Variants in CORIN observed in about 807,000 individuals in gnomAD.
CORIN encodes the protein atrial natriuretic peptide-converting enzyme.
CORIN carries 117 observed loss-of-function variants against 125.3 expected under a neutral mutation model. The observed-to-expected ratio is 0.93, with a 90% CI of 0.80 to 1.09. The LOEUF (loss-of-function observed/expected upper bound fraction) is 1.09. Ranked by LOEUF, CORIN falls within the 50% of genes least tolerant of loss-of-function variation. The pLI, the probability that CORIN is intolerant of heterozygous loss-of-function variation, is 0.00. For missense variants in CORIN, 1,253 were observed against 1,306.7 expected (o/e 0.96, Z 0.63); for synonymous variants, 450 against 466.4 (o/e 0.96, Z 0.45).
intron 21 of CORIN, among the ~76,000 whole-genome samples, chr4:47,598,105 T>G (rs1277465892): frequency 1.3e-5 from 2 of 152,220 alleles, no homozygotes. Flanking sequence ...AAGGCACAAC[T>G]GATCTGGTCT....
At chr4:47,665,011 G>C (rs1198125427) in intron 11 of CORIN, 21 bp downstream of exon 11, 1 of 1,529,122 alleles carries the variant, frequency 6.5e-7, no homozygotes, top group Non-Finnish European at 9.1e-7. Flanking sequence ...TAAGGGACTG[G>C]GGTAGATCCC....
intron 1 of CORIN, among the ~76,000 whole-genome samples, chr4:47,828,503 T>C (rs2109985572): frequency 6.6e-6 from 1 of 152,324 alleles, no homozygotes; most frequent in East Asian, 1.9e-4. Flanking sequence ...TGAACACATC[T>C]ACATTCTGGG....
At chr4:47,705,355 CTG>C (rs1169717497) in intron 5 of CORIN, among the ~76,000 whole-genome samples, 5 of 152,202 alleles carry the variant, frequency 3.3e-5, no homozygotes, top group African/African-American at 1.2e-4. Flanking sequence ...AACAAAAACT[CTG>C]TGAGGGCAGT....
At chr4:47,690,339 G>A (rs1725711669) in intron 6 of CORIN, among the ~76,000 whole-genome samples, 1 of 152,160 alleles carries the variant, frequency 6.6e-6, no homozygotes, top group Admixed American at 6.5e-5. Flanking sequence ...ATTGCCCTAA[G>A]CTCTGTCTCT....
At chr4:47,725,199 A>G (rs1297606929) in intron 5 of CORIN, among the ~76,000 whole-genome samples, 2 of 152,180 alleles carry the variant, frequency 1.3e-5, no homozygotes, top group East Asian at 1.9e-4. Flanking sequence ...AGTCTCCCCA[A>G]ATTGATCCAC....
intron 5 of CORIN, among the ~76,000 whole-genome samples, chr4:47,726,218 T>C (rs1455337537): frequency 2.6e-5 from 4 of 152,082 alleles, no homozygotes; most frequent in Admixed American, 1.3e-4. Context: ...AATCTAGGTA[T>C]TCATCTTAGA....
intron 3 of CORIN, 23 bp downstream of exon 3, chr4:47,786,702 G>C: frequency 6.3e-7 from 1 of 1,591,714 alleles, no homozygotes; most frequent in Non-Finnish European, 8.6e-7. Flanking sequence ...AAAGCCTCTA[G>C]CATGTATCAC....
chr4:47,821,649 T>C (rs1253699107), intron 1 of CORIN, among the ~76,000 whole-genome samples: 3 of 152,100 alleles, frequency 2.0e-5, no homozygotes, highest in Admixed American at 2.0e-4. Flanking sequence ...AATTTTGTTT[T>C]GACGTCTTTC....
chr4:47,837,990 T>G lies in CORIN; in HGVS notation c.-41A>C. On this transcript the variant is annotated 5_prime_UTR_variant, in exon 1 of 22. Coordinates refer to ENST00000273857, the MANE Select transcript of CORIN (RefSeq NM_006587.4). ...CTTATTCTTCTGTCCACTTTTATCT[T>G]GGTCGCTTTTCTCTCCTCTACGTGT... is the stretch of plus-strand genomic sequence containing the variant. 1 of 1,606,062 alleles carries G rather than the reference T, an allele frequency of 6.2e-7. No individual in the cohort carries two copies. The highest frequency in any genetic ancestry group is 8.5e-7 in the Non-Finnish European group (1 of 1,179,784).
intron 5 of CORIN, 116 bp downstream of exon 5, chr4:47,744,286 T>A: frequency 1.0e-6 from 1 of 969,498 alleles, no homozygotes; most frequent in Non-Finnish European, 1.5e-6. Flanking sequence ...GTTACATGGA[T>A]CTTGTCACTT....
Position 47,646,808 on chromosome 4 carries a change from A to C in CORIN, c.1844-1614T>G, listed in dbSNP as rs572752774. 2.8e-4 allele frequency among the ~76,000 whole-genome samples: 42 copies of C among 152,342 alleles called. No homozygotes were observed. In the East Asian group the frequency reaches 7.9e-3, roughly 29 times the overall value. On this transcript the variant is annotated intron_variant, in intron 13 of 21. Coordinates refer to ENST00000273857, the MANE Select transcript of CORIN (RefSeq NM_006587.4). ...AATGCAAAGCAGTGATCAAATAAGA[A>C]GTTTCTTAAACAATGTTATTGTTCA... is the stretch of plus-strand genomic sequence containing the variant.
chr4:47,697,394 A>T (rs1235752265), intron 5 of CORIN, among the ~76,000 whole-genome samples: 2 of 152,054 alleles, frequency 1.3e-5, no homozygotes, highest in Non-Finnish European at 2.9e-5. Context: ...GTAGGTATGG[A>T]TGAGGGTCTG....
chr4:47,775,236 T>C (rs933657036), intron 3 of CORIN, among the ~76,000 whole-genome samples: 5 of 152,024 alleles, frequency 3.3e-5, no homozygotes, highest in African/African-American at 1.2e-4. Context: ...TTTTCATATA[T>C]ACTTTAAGTT....
intron 5 of CORIN, among the ~76,000 whole-genome samples, chr4:47,709,436 G>T (rs1385750448): frequency 6.6e-6 from 1 of 151,954 alleles, no homozygotes; most frequent in African/African-American, 2.4e-5. Context: ...GGGACGACAG[G>T]CACCCACCAC....
chr4:47,826,609 G>A (rs1039879126), intron 1 of CORIN, among the ~76,000 whole-genome samples: 5 of 152,150 alleles, frequency 3.3e-5, no homozygotes, highest in African/African-American at 1.2e-4. Flanking sequence ...ATGTGATTCT[G>A]ACCTTTCTGC....
intron 13 of CORIN, 28 bp downstream of exon 13, chr4:47,653,525 C>T: frequency 6.4e-7 from 1 of 1,551,812 alleles, no homozygotes; most frequent in East Asian, 2.2e-5. Flanking sequence ...ACTGTACATT[C>T]AAGAAAAGTA....
intron 5 of CORIN, among the ~76,000 whole-genome samples, chr4:47,738,841 CA>C (rs1189226578): frequency 1.3e-5 from 2 of 151,114 alleles, no homozygotes; most frequent in Non-Finnish European, 3.0e-5. Flanking sequence ...AGCAATGGCT[CA>C]AAAAATACAA....
At chr4:47,600,465 G>GGC in intron 20 of CORIN, 118 bp from the exon 21 acceptor site, 1 of 661,638 alleles carries the variant, frequency 1.5e-6, no homozygotes, top group Non-Finnish European at 2.3e-6. Context: ...TACCAAGAGA[G>GGC]GCATATTCTT....
intron 12 of CORIN, among the ~76,000 whole-genome samples, chr4:47,658,904 A>G (rs1436933235): frequency 2.6e-5 from 4 of 152,224 alleles, no homozygotes; most frequent in African/African-American, 9.6e-5. Flanking sequence ...TCCAACTTCA[A>G]GTTATTTCTT....
Sources: gnomAD v4.1 joint callset for allele counts (sites outside exome capture counted in the v4.1 genomes callset) on GRCh38, gnomAD v4.1.1 for gene constraint, MANE v1.5 for transcripts, NCBI Gene and HGNC (gene_info 2026-07-23, HGNC 2026-07-21) for gene names.